The following TSPAN9 variants were observed in gnomAD, a reference collection of about 807,000 sequenced individuals.
The protein encoded by TSPAN9 is tetraspanin 9, also known as tetraspanin-9.
TSPAN9 carries 16 observed loss-of-function variants against 31.0 expected under a neutral mutation model. That is an observed-to-expected ratio of 0.52 (90% CI 0.35 to 0.78). The LOEUF (loss-of-function observed/expected upper bound fraction) is 0.78. Among genes scored for constraint, TSPAN9 ranks in the 30% least tolerant of loss-of-function variants. The pLI is 0.01. For synonymous variants in TSPAN9, 145 were observed against 121.6 expected (o/e 1.19, Z -1.27); for missense variants, 272 against 312.5 (o/e 0.87, Z 0.98).
Position 3,170,762 on chromosome 12 carries a change from C to T in TSPAN9, c.-17-30415C>T, listed in dbSNP as rs565849295. On this transcript the variant is annotated intron_variant, in intron 2 of 8. Transcript: ENST00000011898. This position sits in a 1 kb window ranked among gnomAD's most constrained non-coding sequence, Gnocchi z 4.4. ...AGGAGGTAGAGCGGAAGGACCTGCA[C>T]AGCTGTGGCACCTGTGGGGCTGCTG... is the stretch of plus-strand genomic sequence containing the variant. Among the ~76,000 whole-genome samples the T allele has an allele frequency of 2.0e-5, 3 of 152,280 alleles. No homozygotes were observed. The East Asian group carries it at 5.8e-4, about 29-fold the overall frequency.
Position 3,231,832 on chromosome 12 carries a change from C to T in TSPAN9, c.63+30576C>T, listed in dbSNP as rs781061240. 6.6e-4 allele frequency among the ~76,000 whole-genome samples: 100 copies of T among 152,374 alleles called. 1 individual carries two copies. The highest frequency in any genetic ancestry group is 1.7e-3 in the Admixed American group (26 of 15,314). ...ACCTCTGCCTTTTCACCCGCTGTCG[C>T]GTGCATGCCCAGCCAGCAGAGCTGG... is the stretch of plus-strand genomic sequence containing the variant. On this transcript the variant is annotated intron_variant, in intron 3 of 8. Transcript: ENST00000011898.
chr12:3,122,918 T>C (rs1164041459), intron 2 of TSPAN9, among the ~76,000 whole-genome samples: 1 of 152,174 alleles, frequency 6.6e-6, no homozygotes, highest in Non-Finnish European at 1.5e-5. Flanking sequence ...AGAGCTTGCG[T>C]TTTGCCCCAG....
At chr12:3,201,075 A>C in intron 2 of TSPAN9, 102 bp from the exon 3 acceptor site, 1 of 1,155,660 alleles carries the variant, frequency 8.7e-7, no homozygotes, top group Non-Finnish European at 1.3e-6. Flanking sequence ...TCCCGGGGCC[A>C]GAGCCGCGCC....
At chr12:3,078,799 CT>C (rs2098296396) in intron 1 of TSPAN9, among the ~76,000 whole-genome samples, 2 of 150,640 alleles carry the variant, frequency 1.3e-5, no homozygotes, top group African/African-American at 2.4e-5. Flanking sequence ...TTTTTTTGGT[CT>C]GGTTTAATCA....
intron 3 of TSPAN9, among the ~76,000 whole-genome samples, chr12:3,229,813 C>G (rs890532458): frequency 3.3e-5 from 5 of 152,252 alleles, no homozygotes; most frequent in Non-Finnish European, 2.9e-5. Flanking sequence ...CCAGCCATCT[C>G]TCTGCCCAGC....
At chr12:3,204,593 G>A (rs1029737924) in intron 3 of TSPAN9, among the ~76,000 whole-genome samples, 1 of 152,210 alleles carries the variant, frequency 6.6e-6, no homozygotes, top group Non-Finnish European at 1.5e-5. Context: ...CCAGTGCACT[G>A]TGGGAATCTG....
intron 3 of TSPAN9, among the ~76,000 whole-genome samples, chr12:3,242,866 C>T (rs965697082): frequency 7.9e-5 from 12 of 152,254 alleles, no homozygotes; most frequent in East Asian, 1.9e-4. Context: ...TGCCAGGCAT[C>T]GTGTTTCCCT....
At chr12:3,240,316 G>A (rs1439833780) in intron 3 of TSPAN9, among the ~76,000 whole-genome samples, 1 of 140,238 alleles carries the variant, frequency 7.1e-6, no homozygotes, top group East Asian at 2.1e-4. Flanking sequence ...CGAGGTGGGA[G>A]AGTGTGAGGC....
At chr12:3,094,804 C>T (rs9739756) in intron 2 of TSPAN9, among the ~76,000 whole-genome samples, 6 of 145,768 alleles carry the variant, frequency 4.1e-5, no homozygotes, top group South Asian at 2.1e-4. Context: ...CAAAGTACTG[C>T]GATTACAGGC....
At chr12:3,164,066 G>C (rs2098346963) in intron 2 of TSPAN9, among the ~76,000 whole-genome samples, 1 of 152,186 alleles carries the variant, frequency 6.6e-6, no homozygotes. Context: ...GAGGTCCTTT[G>C]GGATAGACCA....
In TSPAN9 at chr12:3,088,977, A is replaced by G. The variant is rs995606404; in HGVS notation, c.-18+5258A>G. ...GCTGGGTGTGATGGCTCACGCCTGT[A>G]ATCCCAGCACTTTGGGAGGCCGATG... On this transcript the variant is annotated intron_variant, in intron 2 of 8. Transcript: ENST00000011898. Among the ~76,000 whole-genome samples the G allele has an allele frequency of 4.6e-5, 7 of 152,122 alleles. No individual in the cohort carries two copies. The East Asian group carries it at 1.4e-3, about 30-fold the overall frequency.
intron 2 of TSPAN9, chr12:3,200,862 C>G (rs1484089202): frequency 3.8e-6 from 1 of 261,102 alleles, no homozygotes; most frequent in Non-Finnish European, 7.2e-6. Context: ...GGCGCCCCCT[C>G]CGTCCCATTC....
rs1203468755 is a variant in TSPAN9, at chr12:3,286,148, G to A, written c.*3032G>A. 1 of 152,796 alleles carries A rather than the reference G, an allele frequency of 6.5e-6. No homozygotes were observed. The highest frequency in any genetic ancestry group is 1.5e-5 in the Non-Finnish European group (1 of 68,114). The allele number at this position is 152,796 out of a possible 1,614,324, so 9.5% of individuals were successfully genotyped here. A position where few individuals can be genotyped will look rare whatever the true frequency, so the allele number is the denominator to read the frequency against. On this transcript the variant is annotated 3_prime_UTR_variant, in exon 9 of 9. Coordinates refer to ENST00000011898, the MANE Select transcript of TSPAN9 (RefSeq NM_006675.5). The surrounding 1 kb of genome is among the most constrained non-coding windows in gnomAD (Gnocchi z 4.1). ...CTCCAGCCCCTGCCCACCCACTGGTGGAGGTGCTAACTAGCAGGGACGTGG... is the reference window on the plus strand; with the variant it reads ...CTCCAGCCCCTGCCCACCCACTGGTAGAGGTGCTAACTAGCAGGGACGTGG...
intron 2 of TSPAN9, among the ~76,000 whole-genome samples, chr12:3,159,778 A>G (rs748385977): frequency 2.6e-5 from 4 of 152,244 alleles, no homozygotes; most frequent in African/African-American, 4.8e-5. Context: ...GTGAAGACGT[A>G]GGGAGAAGAC....
chr12:3,195,229 GTGAGGGAGAGACCAAAGAC>G (rs2098366486), intron 2 of TSPAN9, among the ~76,000 whole-genome samples: 1 of 152,198 alleles, frequency 6.6e-6, no homozygotes, highest in South Asian at 2.1e-4. Flanking sequence ...TTGTGTGTGG[GTGAGGGAGAGACCAAAGAC>G]TGAGCCCTGT....
intron 3 of TSPAN9, among the ~76,000 whole-genome samples, chr12:3,214,689 C>T (rs946191065): frequency 6.6e-6 from 1 of 152,058 alleles, no homozygotes; most frequent in Non-Finnish European, 1.5e-5. Context: ...CAGGGGAGGG[C>T]CTTCACGCCC....
rs560027433 is a variant in TSPAN9, at chr12:3,081,051, T to A, written c.-84-2602T>A. The stretch of plus-strand genomic sequence containing the variant: ...TGCCTTCACCTCCTTTAGTCTCAGC[T>A]CCTTGCTTGCAAAATGAGGATAACA... On this transcript the variant is annotated intron_variant, in intron 1 of 8. Coordinates refer to ENST00000011898, the MANE Select transcript of TSPAN9 (RefSeq NM_006675.5). Among the ~76,000 whole-genome samples, 395 of 152,286 alleles carry A rather than the reference T, an allele frequency of 2.6e-3. 2 individuals carry two copies. Among genetic ancestry groups the A allele is most frequent in the African/African-American group, 9.0e-3 (373 of 41,560 alleles).
rs747231855 is a variant in TSPAN9, at chr12:3,283,142, C to T, written c.*26C>T. On this transcript the variant is annotated 3_prime_UTR_variant, in exon 9 of 9. Transcript: ENST00000011898. Reference sequence around the variant, plus strand: ...GCGGGCTGGCCGGGAGTGCCCACCCCGCCCTGCTGCCCTGTGGAGGGAAGA... The same window carrying T: ...GCGGGCTGGCCGGGAGTGCCCACCCTGCCCTGCTGCCCTGTGGAGGGAAGA... The T allele has an allele frequency of 2.6e-5, 41 of 1,603,540 alleles. No homozygotes were observed. The highest frequency in any genetic ancestry group is 5.5e-5 in the South Asian group (5 of 90,962).
chr12:3,262,709 G>A (rs1251533112), intron 3 of TSPAN9, among the ~76,000 whole-genome samples: 4 of 151,410 alleles, frequency 2.6e-5, no homozygotes, highest in Admixed American at 6.6e-5. Flanking sequence ...GTCAGAGGCC[G>A]CGCACAGCTC....
Sources: allele counts gnomAD v4.1 joint callset (sites outside exome capture counted in the v4.1 genomes callset), GRCh38; gene constraint gnomAD v4.1.1; non-coding constraint Gnocchi (gnomAD v3.1); transcripts MANE v1.5; gene names NCBI Gene and HGNC (gene_info 2026-07-23, HGNC 2026-07-21).